Variants in NRXN1 observed in about 807,000 individuals in gnomAD.
NRXN1 encodes neurexin 1.
NRXN1 carries 39 observed loss-of-function variants against 150.9 expected under a neutral mutation model. The observed-to-expected ratio is 0.26, with a 90% CI of 0.20 to 0.34. The LOEUF (loss-of-function observed/expected upper bound fraction) is 0.34. Ranked by LOEUF, NRXN1 falls within the 10% of genes least tolerant of loss-of-function variation. The pLI, the probability that NRXN1 is intolerant of heterozygous loss-of-function variation, is 1.00. For missense variants in NRXN1, 1,815 were observed against 1,949.9 expected (o/e 0.93, Z 1.30); for synonymous variants, 924 against 757.0 (o/e 1.22, Z -3.62).
chr2:50,163,308 A>G (rs1257017776), intron 18 of NRXN1, among the ~76,000 whole-genome samples: 1 of 151,996 alleles, frequency 6.6e-6, no homozygotes, highest in Non-Finnish European at 1.5e-5. Context: ...ATGGCAATCA[A>G]TCATTAACCA....
intron 5 of NRXN1, among the ~76,000 whole-genome samples, chr2:50,866,118 G>C (rs1414417839): frequency 1.3e-5 from 2 of 151,652 alleles, no homozygotes; most frequent in African/African-American, 4.8e-5. Context: ...TAGATTATCA[G>C]TATCAAATTT....
At chr2:50,349,162 T>C (rs1173915433) in intron 17 of NRXN1, among the ~76,000 whole-genome samples, 1 of 152,196 alleles carries the variant, frequency 6.6e-6, no homozygotes, top group African/African-American at 2.4e-5. Context: ...TATTTTATGA[T>C]ACTAAAAGAT....
At chr2:50,698,736 G>A (rs1693299033) in intron 5 of NRXN1, among the ~76,000 whole-genome samples, 1 of 152,074 alleles carries the variant, frequency 6.6e-6, no homozygotes, top group African/African-American at 2.4e-5. Flanking sequence ...TTATTCCCTA[G>A]AAAACATCCA....
At chr2:50,065,200 T>G (rs1695186677) in intron 19 of NRXN1, among the ~76,000 whole-genome samples, 1 of 152,176 alleles carries the variant, frequency 6.6e-6, no homozygotes, top group African/African-American at 2.4e-5. Context: ...GGTTATCTTG[T>G]TTAATGCTGA....
At chr2:50,794,533 G>C (rs1173698241) in intron 5 of NRXN1, among the ~76,000 whole-genome samples, 5 of 151,998 alleles carry the variant, frequency 3.3e-5, no homozygotes, top group African/African-American at 4.8e-5. Flanking sequence ...ACCAACTGTA[G>C]GTAATGCACT....
intron 5 of NRXN1, among the ~76,000 whole-genome samples, chr2:50,818,235 A>G (rs1478345011): frequency 6.6e-6 from 1 of 150,860 alleles, no homozygotes. Context: ...ATAGTTTGAT[A>G]AGGATTGCAT....
intron 18 of NRXN1, among the ~76,000 whole-genome samples, chr2:50,136,491 T>C (rs748426765): frequency 3.3e-4 from 50 of 152,214 alleles, no homozygotes; most frequent in Admixed American, 1.4e-3. Flanking sequence ...TTGTCTCTAA[T>C]ATCACAGCTT....
At chr2:50,564,810 TTTAA>T (rs1484128716) in intron 8 of NRXN1, among the ~76,000 whole-genome samples, 2 of 152,218 alleles carry the variant, frequency 1.3e-5, no homozygotes. Flanking sequence ...TAATCTATTC[TTTAA>T]TTATTTCTTT....
chr2:50,905,336 T>C (rs1302059688), intron 5 of NRXN1, among the ~76,000 whole-genome samples: 1 of 152,136 alleles, frequency 6.6e-6, no homozygotes, highest in Non-Finnish European at 1.5e-5. Flanking sequence ...GGGTTATAAA[T>C]GCAGCTATTT....
intron 21 of NRXN1, among the ~76,000 whole-genome samples, chr2:49,978,147 C>A (rs146223214): frequency 1.7e-3 from 252 of 152,054 alleles, no homozygotes; most frequent in African/African-American, 5.9e-3. Flanking sequence ...GGTGACAGAG[C>A]GAGACTCCAT....
At chr2:50,929,839 T>C (rs1404499045) in intron 2 of NRXN1, among the ~76,000 whole-genome samples, 2 of 152,036 alleles carry the variant, frequency 1.3e-5, no homozygotes. Context: ...TTTCTTTTGG[T>C]ATTAGCAGTG....
At chr2:50,542,898 A>G (rs1269695492) in intron 9 of NRXN1, among the ~76,000 whole-genome samples, 2 of 152,162 alleles carry the variant, frequency 1.3e-5, no homozygotes, top group African/African-American at 2.4e-5. Context: ...ACTCATAGAT[A>G]TGAGCATAGT....
chr2:50,829,999 G>GAAAAAAAAAAAAA lies in NRXN1; in HGVS notation c.832+91857_832+91869dup, dbSNP rs572758147. On this transcript the variant is annotated intron_variant, in intron 5 of 22. Transcript: ENST00000401669. Reference sequence around the variant, plus strand: ...GGAACCCAAAGAATACTGCCTGCTGGAAAAAAAAAAAAAAAAAAAAAAAAA... The same window carrying GAAAAAAAAAAAAA: ...GGAACCCAAAGAATACTGCCTGCTGGAAAAAAAAAAAAAAAAAAAAAAAAAAAAAAAAAAAAAA... 1.9e-3 allele frequency among the ~76,000 whole-genome samples: 110 copies of GAAAAAAAAAAAAA among 58,178 alleles called. 5 individuals carry two copies. Among genetic ancestry groups the GAAAAAAAAAAAAA allele is most frequent in the East Asian group, 2.3e-3 (3 of 1,308 alleles). 38.2% of individuals were successfully genotyped at this position (58,178 alleles called of 152,430 possible).
rs182632409 is a variant in NRXN1, at chr2:50,521,600, C to A, written c.2374+7025G>T. The stretch of plus-strand genomic sequence containing the variant: ...CATTTCAATCTCCAAATTCTTTGAC[C>A]GTCCCCATGATTTAAAGAGCCTTGC... On this transcript the variant is annotated intron_variant, in intron 12 of 22. Transcript: ENST00000401669. 2.5e-3 allele frequency among the ~76,000 whole-genome samples: 376 copies of A among 152,202 alleles called. 3 individuals carry two copies. Among genetic ancestry groups the A allele is most frequent in the African/African-American group, 8.4e-3 (348 of 41,532 alleles).
At chr2:50,380,725 TA>T (rs2080897233) in intron 17 of NRXN1, among the ~76,000 whole-genome samples, 1 of 152,112 alleles carries the variant, frequency 6.6e-6, no homozygotes, top group Non-Finnish European at 1.5e-5. Flanking sequence ...TGATTGTTAG[TA>T]TTAATAATAA....
chr2:50,706,738 A>G (rs992253612), intron 5 of NRXN1, among the ~76,000 whole-genome samples: 1 of 152,126 alleles, frequency 6.6e-6, no homozygotes, highest in African/African-American at 2.4e-5. Flanking sequence ...CTTATCAATG[A>G]CCGGTGCATT....
intron 17 of NRXN1, among the ~76,000 whole-genome samples, chr2:50,350,724 C>T (rs575048388): frequency 6.6e-6 from 1 of 152,254 alleles, no homozygotes; most frequent in South Asian, 2.1e-4. Context: ...GAAGATGCTT[C>T]CCCTCCTCCC....
intron 2 of NRXN1, among the ~76,000 whole-genome samples, chr2:50,935,186 C>T (rs1456224157): frequency 6.6e-6 from 1 of 152,114 alleles, no homozygotes; most frequent in East Asian, 1.9e-4. Flanking sequence ...TCTTATAGGT[C>T]AAAGACTTTC....
chr2:50,685,885 C>A (rs1281836335), intron 5 of NRXN1, among the ~76,000 whole-genome samples: 1 of 152,064 alleles, frequency 6.6e-6, no homozygotes, highest in African/African-American at 2.4e-5. Flanking sequence ...TCAGAGCCTG[C>A]ATACTTGTTG....
Sources: gnomAD v4.1 joint callset for allele counts (sites outside exome capture counted in the v4.1 genomes callset) on GRCh38, gnomAD v4.1.1 for gene constraint, MANE v1.5 for transcripts, NCBI Gene and HGNC (gene_info 2026-07-23, HGNC 2026-07-21) for gene names.